The following CTNND1 variants were observed in gnomAD, a reference collection of about 807,000 sequenced individuals.
The protein encoded by CTNND1 is catenin delta 1.
In CTNND1, 16 loss-of-function variants were observed where a neutral mutation model predicts 112.1. The ratio of observed to expected loss-of-function variants is 0.14; its 90% CI spans 0.10 to 0.22. The LOEUF (loss-of-function observed/expected upper bound fraction) is 0.22. CTNND1 is among the 10% of genes least tolerant of loss of function. CTNND1 has a pLI of 1.00. For synonymous variants in CTNND1, 420 were observed against 446.5 expected (o/e 0.94, Z 0.75); for missense variants, 1,008 against 1,257.0 (o/e 0.80, Z 3.00).
In CTNND1 at chr11:57,816,014, G is replaced by T; in HGVS notation, c.2895+13G>T. 1 of 1,564,496 alleles carries T rather than the reference G, an allele frequency of 6.4e-7. No homozygotes were observed. The highest frequency in any genetic ancestry group is 1.2e-5 in the South Asian group (1 of 82,862). On this transcript the variant is annotated intron_variant, in intron 20 of 20. Coordinates refer to ENST00000399050, the MANE Select transcript of CTNND1 (RefSeq NM_001085458.2). ...TTACCCCTCCATGGTATGTCCTTCA[G>T]TCACCCCCAAGATTGTTCTTGAGGA...
chr11:57,796,450 C>CT lies in CTNND1; in HGVS notation c.421-5dup, dbSNP rs779304540. 5.8e-5 allele frequency: 90 copies of CT among 1,560,660 alleles called. No individual in the cohort carries two copies. Among genetic ancestry groups the CT allele is most frequent in the Non-Finnish European group, 7.5e-5 (87 of 1,156,198 alleles). ...TAGTTTTTCTTTTTCTTGTTTCCTA[C>CT]TTGCAGGTCAAGAAAGTAGTGAAGA... On this transcript the variant is annotated splice_polypyrimidine_tract_variant and splice_region_variant and intron_variant, in intron 5 of 20. Transcript: ENST00000399050.
At chr11:57,763,832 A>C (rs1233502502) in intron 1 of CTNND1, 1 of 152,222 alleles carries the variant, frequency 6.6e-6, no homozygotes, top group Non-Finnish European at 1.5e-5. Flanking sequence ...AGGCAGTTTG[A>C]AAATAGGTTC....
At chr11:57,808,320 T>C (rs758509891) in intron 13 of CTNND1, 28 bp downstream of exon 13, 57 of 1,600,820 alleles carry the variant, frequency 3.6e-5, no homozygotes, top group Non-Finnish European at 4.7e-5. Flanking sequence ...GATTTGGAGA[T>C]GGGAAAACTT....
At chr11:57,811,376 G>C in intron 16 of CTNND1, 23 bp from the exon 17 acceptor site, 2 of 1,581,416 alleles carry the variant, frequency 1.3e-6, no homozygotes, top group Admixed American at 1.7e-5. Context: ...CTGTCACATT[G>C]TCGCATTTGT....
In CTNND1 at chr11:57,804,728, C is replaced by T. The variant is rs1464259622; in HGVS notation, c.1670C>T (p.Ala557Val). Reference sequence around the variant, plus strand: ...CGGGAATGTGATGGTTTAGTTGATGCCCTCATTTTCATTGTTCAGGCTGAG... The same window carrying T: ...CGGGAATGTGATGGTTTAGTTGATGTCCTCATTTTCATTGTTCAGGCTGAG... The part of the protein sequence containing the change: ...KLRECDGLVD[A>V]LIFIVQAEIG... Residue 557 changes from alanine to valine, a missense_variant, in exon 9 of 21, where the codon GCC becomes GTC. By Grantham distance (64) the Ala-to-Val change is moderately conservative. This residue lies in a region of CTNND1 where 216 missense variants were observed against 342.8 expected (regional missense o/e 0.63). Coordinates refer to ENST00000399050, the MANE Select transcript of CTNND1 (RefSeq NM_001085458.2). 1 of 1,613,870 alleles carries T rather than the reference C, an allele frequency of 6.2e-7. No homozygotes were observed. Among genetic ancestry groups the T allele is most frequent in the Non-Finnish European group, 8.5e-7 (1 of 1,179,840 alleles).
rs1475157781 is a variant in CTNND1 at position 57,796,781 on chromosome 11, C to T, written c.745C>T (p.Arg249Trp). Residue 249 changes from arginine (R) to tryptophan (W), a missense_variant, in exon 6 of 21, where the codon CGG (arginine) becomes TGG (tryptophan). Transcript: ENST00000399050. Reference protein sequence around the residue: ...ERYRPSMEGYRAPSRQDVYGP... With the variant: ...ERYRPSMEGYWAPSRQDVYGP... ...GTATAGGCCCAGCATGGAAGGCTACCGGGCACCTAGTAGACAGGATGTGTA... is the reference window on the plus strand; with the variant it reads ...GTATAGGCCCAGCATGGAAGGCTACTGGGCACCTAGTAGACAGGATGTGTA... 1.1e-5 allele frequency: 18 copies of T among 1,609,496 alleles called. No individual in the cohort carries two copies. The highest frequency in any genetic ancestry group is 5.3e-5 in the African/African-American group (4 of 74,844).
chr11:57,812,410 C>T (rs552396423), intron 17 of CTNND1, among the ~76,000 whole-genome samples: 2 of 152,210 alleles, frequency 1.3e-5, no homozygotes, highest in South Asian at 4.1e-4. Flanking sequence ...TTCCCAGCTA[C>T]TCAGGAGGCT....
intron 1 of CTNND1, among the ~76,000 whole-genome samples, chr11:57,767,003 G>T (rs957425842): frequency 6.7e-6 from 1 of 148,334 alleles, no homozygotes; most frequent in East Asian, 2.0e-4. Flanking sequence ...ATGGAGTCTT[G>T]CTCTGTTGTC....
chr11:57,781,956 A>T (rs558819544), intron 1 of CTNND1, among the ~76,000 whole-genome samples: 12 of 152,208 alleles, frequency 7.9e-5, no homozygotes, highest in African/African-American at 2.9e-4. Context: ...TTCTCAGAAT[A>T]CTTGGGAGGG....
intron 12 of CTNND1, 23 bp from the exon 13 acceptor site, chr11:57,808,142 G>C (rs754414609): frequency 1.2e-6 from 2 of 1,601,128 alleles, no homozygotes; most frequent in Non-Finnish European, 1.7e-6. Context: ...AGCACCCTCT[G>C]CTTCTATTTC....
chr11:57,802,207 G>A lies in CTNND1; in HGVS notation c.1420+11G>A, dbSNP rs775090627. 6.3e-7 allele frequency: 1 copy of A among 1,589,868 alleles called. No individual in the cohort carries two copies. The highest frequency in any genetic ancestry group is 1.1e-5 in the South Asian group (1 of 87,824). ...CTGAAGTTATTACCGGTGAGTTCTA[G>A]GCCTAAGGAAAATTGCTAAGTCAGT... On this transcript the variant is annotated intron_variant, in intron 7 of 20. Transcript: ENST00000399050.
At chr11:57,794,285 C>A (rs1351176363) in intron 4 of CTNND1, among the ~76,000 whole-genome samples, 1 of 152,144 alleles carries the variant, frequency 6.6e-6, no homozygotes, top group East Asian at 1.9e-4. Flanking sequence ...GACCATTGAT[C>A]TTTATGACTA....
rs1265014936 is a variant in CTNND1, at chr11:57,769,152, C to CA, written c.-214+7046dup. ...TGAAAACCTGTCTCTACTAAAGATA[C>CA]AAAAAAAAAAAAATTAGCTGGGCAT... On this transcript the variant is annotated intron_variant, in intron 1 of 20. Coordinates refer to ENST00000399050, the MANE Select transcript of CTNND1 (RefSeq NM_001085458.2). 1.8e-3 allele frequency among the ~76,000 whole-genome samples: 247 copies of CA among 134,082 alleles called. 1 individual carries two copies. The highest frequency in any genetic ancestry group is 0.011 in the Middle Eastern group (3 of 264). 88.0% of individuals were successfully genotyped at this position (134,082 alleles called of 152,430 possible). A position where few individuals can be genotyped will look rare whatever the true frequency, so the allele number is the denominator to read the frequency against.
chr11:57,770,448 A>AT (rs1465091506), intron 1 of CTNND1, among the ~76,000 whole-genome samples: 1 of 151,484 alleles, frequency 6.6e-6, no homozygotes, highest in Non-Finnish European at 1.5e-5. Context: ...AGGTCAAGAG[A>AT]TTGAGACCAT....
intron 1 of CTNND1, among the ~76,000 whole-genome samples, chr11:57,772,289 A>T (rs1952871860): frequency 6.6e-6 from 1 of 151,928 alleles, no homozygotes; most frequent in South Asian, 2.1e-4. Flanking sequence ...TTATCTAACT[A>T]GTCAGTTTTC....
At chr11:57,773,535 T>A (rs1591214174) in intron 1 of CTNND1, among the ~76,000 whole-genome samples, 1 of 149,738 alleles carries the variant, frequency 6.7e-6, no homozygotes, top group African/African-American at 2.5e-5. Flanking sequence ...CACTGCAACC[T>A]CCACCTCCTG....
intron 5 of CTNND1, among the ~76,000 whole-genome samples, 178 bp from the exon 6 acceptor site, chr11:57,796,279 G>A (rs1014593781): frequency 6.6e-6 from 1 of 151,756 alleles, no homozygotes; most frequent in African/African-American, 2.4e-5. Context: ...CCAGCTACTC[G>A]GGAGGCTGAG....
chr11:57,762,253 AT>A (rs1313001468), intron 1 of CTNND1, 134 bp downstream of exon 1: 1 of 262,260 alleles, frequency 3.8e-6, no homozygotes, highest in African/African-American at 2.3e-5. Flanking sequence ...AAAAGGTAAA[AT>A]ATACAAGACC....
intron 16 of CTNND1, among the ~76,000 whole-genome samples, chr11:57,811,045 T>TC (rs2137503751): frequency 6.6e-6 from 1 of 152,292 alleles, no homozygotes; most frequent in Admixed American, 6.5e-5. Flanking sequence ...AGCTCAGGTA[T>TC]CCCTCTATGT....
Sources: allele counts gnomAD v4.1 joint callset (sites outside exome capture counted in the v4.1 genomes callset), GRCh38; gene constraint gnomAD v4.1.1; regional missense constraint gnomAD v4.1.1; transcripts MANE v1.5; gene names NCBI Gene and HGNC (gene_info 2026-07-23, HGNC 2026-07-21).